Variants in THBS4 observed in about 807,000 individuals in gnomAD.
The protein encoded by THBS4 is thrombospondin-4.
THBS4 carries 90 observed loss-of-function variants against 115.7 expected under a neutral mutation model. The observed-to-expected ratio is 0.78, with a 90% CI of 0.66 to 0.93. The LOEUF (loss-of-function observed/expected upper bound fraction) is 0.93, where lower values mean the gene tolerates loss of function less well. Among genes scored for constraint, THBS4 ranks in the 40% least tolerant of loss-of-function variants. The pLI is 0.00. For missense variants in THBS4, 1,087 were observed against 1,232.7 expected, an observed-to-expected ratio of 0.88 and a Z score of 1.77; for synonymous variants, 460 against 479.3, an observed-to-expected ratio of 0.96 and a Z score of 0.53.
In THBS4 at chr5:80,049,403, A is replaced by G. The variant is rs1026660588; in HGVS notation, c.293-6382A>G. 3.3e-5 allele frequency among the ~76,000 whole-genome samples: 5 copies of G among 152,218 alleles called. No homozygotes were observed. The South Asian group carries it at 1.0e-3, about 32-fold the overall frequency. On this transcript the variant is annotated intron_variant, in intron 2 of 21. Transcript: ENST00000350881. ...GCTGGGGTTACAGGCAGGCGCCACC[A>G]CGCCCACCTAATTTTTTTTGTTATT...
At chr5:80,043,280 G>T (rs1311713715) in intron 2 of THBS4, among the ~76,000 whole-genome samples, 2 of 152,180 alleles carry the variant, frequency 1.3e-5, no homozygotes, top group African/African-American at 4.8e-5. Context: ...AGTCCATTCT[G>T]ACTGGAACAA....
intron 7 of THBS4, 115 bp from the exon 8 acceptor site, chr5:80,061,580 A>AT: frequency 2.2e-6 from 3 of 1,359,492 alleles, no homozygotes; most frequent in South Asian, 1.6e-5. Context: ...TCCTTTTATT[A>AT]TTTTTTCCAC....
At chr5:80,082,208 TCC>T (rs1164431708) in intron 20 of THBS4, 196 bp from the exon 21 acceptor site, 1 of 559,856 alleles carries the variant, frequency 1.8e-6, no homozygotes, top group African/African-American at 2.0e-5. Flanking sequence ...ACACACACGG[TCC>T]CTGCCCTCAA....
At chr5:80,068,662 G>A (rs1833926410) in intron 10 of THBS4, 1 of 154,872 alleles carries the variant, frequency 6.5e-6, no homozygotes, top group Non-Finnish European at 1.4e-5. Context: ...TGACTGGCAG[G>A]GCCAGACGGC....
In THBS4 at chr5:80,035,667, G is replaced by C; in HGVS notation, c.88+42G>C. 1 of 1,274,446 alleles carries C rather than the reference G, an allele frequency of 7.8e-7. No individual in the cohort carries two copies. The highest frequency in any genetic ancestry group is 1.0e-6 in the Non-Finnish European group (1 of 999,390). The allele number at this position is 1,274,446 out of a possible 1,614,324, so 78.9% of individuals were successfully genotyped here. A position where few individuals can be genotyped will look rare whatever the true frequency, so the allele number is the denominator to read the frequency against. On this transcript the variant is annotated intron_variant, in intron 1 of 21. Coordinates refer to ENST00000350881, the MANE Select transcript of THBS4 (RefSeq NM_003248.6). This position sits in a 1 kb window ranked among gnomAD's most constrained non-coding sequence, Gnocchi z 4.6. ...CGGGCCTGGGAGCGCCGGGCACCGG[G>C]TGCCCCATCTGCTGAGTGAGTGGAG... is the stretch of plus-strand genomic sequence containing the variant.
At chr5:80,063,838 C>T (rs1223458852) in intron 8 of THBS4, among the ~76,000 whole-genome samples, 2 of 152,222 alleles carry the variant, frequency 1.3e-5, no homozygotes, top group Non-Finnish European at 1.5e-5. Context: ...AATGTTACTG[C>T]ATTCCAAAGT....
intron 2 of THBS4, among the ~76,000 whole-genome samples, chr5:80,049,669 C>A (rs2112065250): frequency 6.6e-6 from 1 of 152,128 alleles, no homozygotes; most frequent in Middle Eastern, 3.4e-3. Flanking sequence ...CCCTCAGATA[C>A]TATGGGATGT....
intron 2 of THBS4, among the ~76,000 whole-genome samples, chr5:80,014,088 G>T (rs1239231901): frequency 6.6e-6 from 1 of 152,180 alleles, no homozygotes; most frequent in Non-Finnish European, 1.5e-5. Flanking sequence ...ATTGTGAAAA[G>T]AATGGTTTCA....
rs149360210 is a variant in THBS4 at position 80,059,783 on chromosome 5, C to T, written c.865C>T (p.Arg289Trp). ...PPAPPTRPPR[R>W]CDSNPCFRGV... ...TGCACCGCCAACACGCCCACCTCGT[C>T]GGTGTGACTCCAACCCATGTTTCCG... The change falls in exon 7 of 22, where the codon CGG becomes TGG. Residue 289 changes from arginine to tryptophan, a missense_variant. Physicochemically the swap from Arg to Trp is moderately radical, Grantham distance 101 (BLOSUM62 -3). Around this residue, in one of 3 missense-constraint regions of THBS4, gnomAD observed 979 missense variants for 1,103.7 expected, o/e 0.89. Coordinates refer to ENST00000350881, the MANE Select transcript of THBS4 (RefSeq NM_003248.6). The T allele has an allele frequency of 1.0e-4, 161 of 1,614,060 alleles. No individual in the cohort carries two copies. Among genetic ancestry groups the T allele is most frequent in the Non-Finnish European group, 1.3e-4 (155 of 1,180,052 alleles).
intron 2 of THBS4, among the ~76,000 whole-genome samples, chr5:80,017,862 T>C (rs1347140504): frequency 2.0e-5 from 3 of 152,184 alleles, no homozygotes; most frequent in Non-Finnish European, 4.4e-5. Context: ...TCGTGGGATT[T>C]GGGATTGATC....
At position 80,078,176 on chromosome 5, in the gene THBS4, G is replaced by A. The variant is rs1337467672; in HGVS notation, c.2214G>A (p.Leu738=). Reference sequence around the variant, plus strand: ...TCAGGGCTTACCAGACCGTGGTCCTGGATCCTGAAGGGGATGCCCAGATCG... The same window carrying A: ...TCAGGGCTTACCAGACCGTGGTCCTAGATCCTGAAGGGGATGCCCAGATCG... ...TDFRAYQTVV[L]DPEGDAQIDP... The change falls in exon 17 of 22, where the codon CTG becomes CTA. Residue 738 remains leucine, a synonymous_variant. Coordinates refer to ENST00000350881, the MANE Select transcript of THBS4 (RefSeq NM_003248.6). 1.2e-6 allele frequency: 2 copies of A among 1,609,020 alleles called. No individual in the cohort carries two copies. The highest frequency in any genetic ancestry group is 2.7e-5 in the African/African-American group (2 of 74,842).
rs550728672 is a variant in THBS4, at chr5:80,078,628, T to A, written c.2266-293T>A. Among the ~76,000 whole-genome samples, 16 of 152,344 alleles carry A rather than the reference T, an allele frequency of 1.1e-4. No homozygotes were observed. The South Asian group carries it at 3.1e-3, about 30-fold the overall frequency. ...TTCCAGAGTCACAGAGCAAGTCACA[T>A]TGATTAGAAGTATATGTTGTATGCT... On this transcript the variant is annotated intron_variant, in intron 17 of 21. Coordinates refer to ENST00000350881, the MANE Select transcript of THBS4 (RefSeq NM_003248.6).
rs1190473345 is a variant in THBS4 at position 80,073,542 on chromosome 5, CCTGG to C, written c.1892+218_1892+221del. 2.6e-5 allele frequency among the ~76,000 whole-genome samples: 4 copies of C among 152,244 alleles called. No homozygotes were observed. In the East Asian group the frequency reaches 7.7e-4, roughly 29 times the overall value. On this transcript the variant is annotated intron_variant, in intron 15 of 21. Coordinates refer to ENST00000350881, the MANE Select transcript of THBS4 (RefSeq NM_003248.6). Reference sequence around the variant, plus strand: ...GGGACTACAGGCGCCCGCTACCATGCCTGGCTAATTTTTTTGTATTTTCAGTAGA... The same window carrying C: ...GGGACTACAGGCGCCCGCTACCATGCCTAATTTTTTTGTATTTTCAGTAGA...
chr5:80,068,230 G>T, intron 10 of THBS4, 105 bp downstream of exon 10: 1 of 1,389,484 alleles, frequency 7.2e-7, no homozygotes. Flanking sequence ...CAAAATGAAA[G>T]CATTGCAATT....
chr5:80,035,673 C>T lies in THBS4; in HGVS notation c.88+48C>T. The T allele has an allele frequency of 8.0e-7, 1 of 1,250,542 alleles. No individual in the cohort carries two copies. Among genetic ancestry groups the T allele is most frequent in the Non-Finnish European group, 1.0e-6 (1 of 980,340 alleles). The allele number at this position is 1,250,542 out of a possible 1,614,324, so 77.5% of individuals were successfully genotyped here. On this transcript the variant is annotated intron_variant, in intron 1 of 21. Coordinates refer to ENST00000350881, the MANE Select transcript of THBS4 (RefSeq NM_003248.6). The surrounding 1 kb of genome is among the most constrained non-coding windows in gnomAD (Gnocchi z 4.6). The stretch of plus-strand genomic sequence containing the variant: ...TGGGAGCGCCGGGCACCGGGTGCCC[C>T]ATCTGCTGAGTGAGTGGAGGGACTT...
At chr5:80,032,733 C>A (rs751701699), upstream of THBS4, among the ~76,000 whole-genome samples, 2 of 152,224 alleles carry the variant, frequency 1.3e-5, no homozygotes, top group African/African-American at 4.8e-5. Flanking sequence ...GCTCTTCCGT[C>A]TTCTCCTGCC....
chr5:80,013,485 G>A (rs899452252), intron 2 of THBS4, among the ~76,000 whole-genome samples: 2 of 152,116 alleles, frequency 1.3e-5, no homozygotes, highest in Non-Finnish European at 2.9e-5. Context: ...CCAGGATCCT[G>A]CATTGTCATA....
chr5:80,001,596 G>A (rs1299134388), intron 2 of THBS4, among the ~76,000 whole-genome samples: 1 of 152,220 alleles, frequency 6.6e-6, no homozygotes, highest in East Asian at 1.9e-4. Context: ...GGATGAAACA[G>A]TGTCAGTGAA....
chr5:80,020,939 A>G (rs1338726648), intron 2 of THBS4, among the ~76,000 whole-genome samples: 2 of 152,236 alleles, frequency 1.3e-5, no homozygotes, highest in Non-Finnish European at 2.9e-5. Flanking sequence ...AAAAATTGTA[A>G]TATGTAATCT....
Sources: allele counts gnomAD v4.1 joint callset (sites outside exome capture counted in the v4.1 genomes callset), GRCh38; gene constraint gnomAD v4.1.1; regional missense constraint gnomAD v4.1.1; non-coding constraint Gnocchi (gnomAD v3.1); transcripts MANE v1.5; gene names NCBI Gene and HGNC (gene_info 2026-07-23, HGNC 2026-07-21).